The following SLC17A9 variants were observed in gnomAD, a reference collection of about 807,000 sequenced individuals.
SLC17A9 encodes the protein solute carrier family 17 member 9.
A neutral mutation model predicts 55.0 loss-of-function variants in SLC17A9; 49 were observed. The ratio of observed to expected loss-of-function variants is 0.89; its 90% CI spans 0.71 to 1.13. SLC17A9 has a LOEUF of 1.13. Among genes scored for constraint, SLC17A9 ranks in the 50% most tolerant of loss-of-function variants. The pLI, the probability that SLC17A9 is intolerant of heterozygous loss-of-function variation, is 0.00. For synonymous variants in SLC17A9, 256 were observed against 247.4 expected (o/e 1.03, Z -0.32); for missense variants, 526 against 569.3 (o/e 0.92, Z 0.77).
At chr20:62,957,729 CCT>C in intron 3 of SLC17A9, 149 bp downstream of exon 3, 1 of 618,288 alleles carries the variant, frequency 1.6e-6, no homozygotes, top group South Asian at 3.8e-5. Flanking sequence ...CATGCGTGCA[CCT>C]GTGTGTGTGT....
Position 62,962,765 on chromosome 20 carries a change from C to T in SLC17A9, c.628+11C>T, listed in dbSNP as rs747000759. On this transcript the variant is annotated intron_variant, in intron 5 of 12. Transcript: ENST00000370351. The surrounding 1 kb of genome is among the most constrained non-coding windows in gnomAD (Gnocchi z 5.5). ...TGCTGAGTGAAAAAGGTAACGCAGGCCGGGCGGGCTAGTCCCGGGCGCCCA... is the reference window on the plus strand; with the variant it reads ...TGCTGAGTGAAAAAGGTAACGCAGGTCGGGCGGGCTAGTCCCGGGCGCCCA... 23 of 1,612,962 alleles carry T rather than the reference C, an allele frequency of 1.4e-5. No homozygotes were observed. Among genetic ancestry groups the T allele is most frequent in the Admixed American group, 1.0e-4 (6 of 59,972 alleles).
Position 62,958,284 on chromosome 20 carries a change from T to G in SLC17A9, c.397+704T>G, listed in dbSNP as rs1016556569. 6.6e-6 allele frequency among the ~76,000 whole-genome samples: 1 copy of G among 152,158 alleles called. No individual in the cohort carries two copies. Among genetic ancestry groups the G allele is most frequent in the African/African-American group, 2.4e-5 (1 of 41,420 alleles). ...CCCTGAATTTTGTCACCAAACGCCT[T>G]AGTTCAGTGGTGGATTCCAGCTGCA... On this transcript the variant is annotated intron_variant, in intron 3 of 12. Coordinates refer to ENST00000370351, the MANE Select transcript of SLC17A9 (RefSeq NM_022082.4). This position sits in a 1 kb window ranked among gnomAD's most constrained non-coding sequence, Gnocchi z 4.1.
Position 62,956,744 on chromosome 20 carries a change from TG to T in SLC17A9, c.60-20del. ...AGGGCCGTGGGGCCTCCCCAGGGCC[TG>T]ACCATCTCCTGTCCCACAGGCCCGA... On this transcript the variant is annotated intron_variant, in intron 1 of 12. Transcript: ENST00000370351. 1 of 1,605,052 alleles carries T rather than the reference TG, an allele frequency of 6.2e-7. No homozygotes were observed. Among genetic ancestry groups the T allele is most frequent in the South Asian group, 1.1e-5 (1 of 90,192 alleles).
chr20:62,967,039 C>G, intron 12 of SLC17A9: 2 of 576,082 alleles, frequency 3.5e-6, no homozygotes, highest in Admixed American at 6.5e-5. Context: ...GGGGGTCCTT[C>G]TTCAGCTCAG....
chr20:62,966,398 G>C, intron 10 of SLC17A9, 127 bp from the exon 11 acceptor site: 1 of 1,061,352 alleles, frequency 9.4e-7, no homozygotes, highest in Non-Finnish European at 1.4e-6. Flanking sequence ...CAGGGAGCAG[G>C]CCTGAGCGTG....
In SLC17A9 at chr20:62,958,121, GC is replaced by G. The variant is rs1177713323; in HGVS notation, c.397+544del. 9.9e-5 allele frequency among the ~76,000 whole-genome samples: 15 copies of G among 152,274 alleles called. No individual in the cohort carries two copies. Among genetic ancestry groups the G allele is most frequent in the African/African-American group, 2.4e-5 (1 of 41,552 alleles). ...TATCCATGTGTATGTGCGTATGCGT[GC>G]CCATATGCGTGTGTACGTGCGTGAG... On this transcript the variant is annotated intron_variant, in intron 3 of 12. Coordinates refer to ENST00000370351, the MANE Select transcript of SLC17A9 (RefSeq NM_022082.4). This position sits in a 1 kb window ranked among gnomAD's most constrained non-coding sequence, Gnocchi z 4.1.
At chr20:62,967,159 C>T (rs2065648168) in intron 12 of SLC17A9, 178 bp from the exon 13 acceptor site, 3 of 727,904 alleles carry the variant, frequency 4.1e-6, no homozygotes, top group Admixed American at 2.6e-5. Flanking sequence ...CTCCAAGACC[C>T]TCCAAGTCTG....
At chr20:62,960,049 C>T (rs969344423) in intron 3 of SLC17A9, among the ~76,000 whole-genome samples, 2 of 152,248 alleles carry the variant, frequency 1.3e-5, no homozygotes, top group African/African-American at 4.8e-5. Context: ...ACGCATGCGG[C>T]AGGTGTCTGT....
intron 1 of SLC17A9, among the ~76,000 whole-genome samples, chr20:62,955,653 T>C (rs2065530809): frequency 6.6e-6 from 1 of 152,120 alleles, no homozygotes; most frequent in Non-Finnish European, 1.5e-5. Context: ...TGTGTGGCTT[T>C]TAGTGGAAAG....
rs761824243 is a variant in SLC17A9 at position 62,963,605 on chromosome 20, C to T, written c.747C>T (p.Leu249=). 6.3e-7 allele frequency: 1 copy of T among 1,599,862 alleles called. No individual in the cohort carries two copies. Among genetic ancestry groups the T allele is most frequent in the Non-Finnish European group, 8.5e-7 (1 of 1,173,310 alleles). The stretch of plus-strand genomic sequence containing the variant: ...GCAGGGCAGCCGTCGTCTCCCAGCT[C>T]TCTGCAGCCTGCTCCTTCTTCATCC... The part of the protein sequence containing the change: ...PAVWAAVVSQ[L]SAACSFFILL... Residue 249 remains leucine (L), a synonymous_variant, in exon 7 of 13, where the codon CTC becomes CTT. Transcript: ENST00000370351.
Position 62,964,219 on chromosome 20 carries a change from C to T in SLC17A9, c.823-9C>T, listed in dbSNP as rs780387987. On this transcript the variant is annotated splice_polypyrimidine_tract_variant and intron_variant, in intron 7 of 12. Transcript: ENST00000370351. ...CTGGCCCCCTCTAAGGCCAAACTCC[C>T]CCCTGCAGGGCTGGATCTTCAACGT... 1.9e-6 allele frequency: 3 copies of T among 1,614,040 alleles called. No homozygotes were observed. The highest frequency in any genetic ancestry group is 2.2e-5 in the South Asian group (2 of 91,072).
Position 62,962,279 on chromosome 20 carries a change from G to A in SLC17A9, c.498-345G>A, listed in dbSNP as rs746655003. Reference sequence around the variant, plus strand: ...TCATCACCGTCTCCTCCTCGGTGCCGTTTTTAGTTGAAAAGGATCCACATG... The same window carrying A: ...TCATCACCGTCTCCTCCTCGGTGCCATTTTTAGTTGAAAAGGATCCACATG... On this transcript the variant is annotated intron_variant, in intron 4 of 12. Coordinates refer to ENST00000370351, the MANE Select transcript of SLC17A9 (RefSeq NM_022082.4). This position sits in a 1 kb window ranked among gnomAD's most constrained non-coding sequence, Gnocchi z 5.5. 8 of 200,200 alleles carry A rather than the reference G, an allele frequency of 4.0e-5. No homozygotes were observed. Among genetic ancestry groups the A allele is most frequent in the Non-Finnish European group, 7.1e-5 (7 of 98,176 alleles). The allele number at this position is 200,200 out of a possible 1,614,324, so 12.4% of individuals were successfully genotyped here.
At chr20:62,957,633 C>T (rs2065548864) in intron 3 of SLC17A9, 53 bp downstream of exon 3, 2 of 1,445,092 alleles carry the variant, frequency 1.4e-6, no homozygotes, top group Non-Finnish European at 1.8e-6. Context: ...GGTGGGGAGA[C>T]AAGGGGGGTG....
intron 3 of SLC17A9, 30 bp from the exon 4 acceptor site, chr20:62,960,474 C>G (rs780552749): frequency 6.3e-7 from 1 of 1,598,080 alleles, no homozygotes; most frequent in Non-Finnish European, 8.5e-7. Context: ...CTGGATGGAC[C>G]CTGAGAGACC....
intron 1 of SLC17A9, among the ~76,000 whole-genome samples, chr20:62,956,367 C>G (rs988502041): frequency 6.6e-6 from 1 of 152,174 alleles, no homozygotes; most frequent in Middle Eastern, 3.2e-3. Flanking sequence ...CAGGGGCAGA[C>G]AGGACCTTTT....
At chr20:62,963,241 T>C in intron 5 of SLC17A9, 32 bp from the exon 6 acceptor site, 2 of 1,607,970 alleles carry the variant, frequency 1.2e-6, no homozygotes, top group Non-Finnish European at 1.7e-6. Context: ...CCCGCCCTGA[T>C]AGCCATCAGT....
chr20:62,957,739 T>C (rs1396968381), intron 3 of SLC17A9, among the ~76,000 whole-genome samples, 159 bp downstream of exon 3: 7 of 149,746 alleles, frequency 4.7e-5, no homozygotes, highest in African/African-American at 1.7e-4. Flanking sequence ...CCTGTGTGTG[T>C]GTGCGTGTGT....
At chr20:62,961,450 G>A (rs992720522) in intron 4 of SLC17A9, among the ~76,000 whole-genome samples, 1 of 152,178 alleles carries the variant, frequency 6.6e-6, no homozygotes, top group African/African-American at 2.4e-5. Context: ...TCCTTGGGGA[G>A]CTCCAGACCC....
chr20:62,965,089 C>T (rs1320904111), intron 8 of SLC17A9, 43 bp from the exon 9 acceptor site: 19 of 1,613,046 alleles, frequency 1.2e-5, no homozygotes, highest in Middle Eastern at 1.6e-4. Flanking sequence ...GGTGTCAGCA[C>T]GAAAGGGCTA....
Sources: gnomAD v4.1 joint callset for allele counts (sites outside exome capture counted in the v4.1 genomes callset) on GRCh38, gnomAD v4.1.1 for gene constraint, Gnocchi (gnomAD v3.1) non-coding constraint, MANE v1.5 for transcripts, NCBI Gene and HGNC (gene_info 2026-07-23, HGNC 2026-07-21) for gene names.